Variants in RASAL2 observed in about 807,000 individuals in gnomAD.
The protein encoded by RASAL2 is RAS protein activator like 2.
In RASAL2, 58 loss-of-function variants were observed where a neutral mutation model predicts 128.9. The ratio of observed to expected loss-of-function variants is 0.45; its 90% CI spans 0.36 to 0.56. RASAL2 has a LOEUF of 0.56. Ranked by LOEUF, RASAL2 falls within the 20% of genes least tolerant of loss-of-function variation. The pLI is 0.00. For synonymous variants in RASAL2, 561 were observed against 580.8 expected (o/e 0.97, Z 0.49); for missense variants, 1,360 against 1,601.6 (o/e 0.85, Z 2.57).
At chr1:178,334,159 ATACTAGT>A (rs1446633649) in intron 3 of RASAL2, among the ~76,000 whole-genome samples, 1 of 152,048 alleles carries the variant, frequency 6.6e-6, no homozygotes, top group Non-Finnish European at 1.5e-5. Flanking sequence ...AATTTTTTTA[ATACTAGT>A]AATAATTTTT....
At chr1:178,187,028 G>T (rs1571602769) in intron 1 of RASAL2, among the ~76,000 whole-genome samples, 1 of 151,906 alleles carries the variant, frequency 6.6e-6, no homozygotes, top group African/African-American at 2.4e-5. Context: ...AAGGGTCTCT[G>T]TGTTGCCCAG....
intron 4 of RASAL2, among the ~76,000 whole-genome samples, chr1:178,414,821 G>C (rs192482312): frequency 6.6e-6 from 1 of 152,208 alleles, no homozygotes; most frequent in Admixed American, 6.5e-5. Flanking sequence ...ATTTCTTCCT[G>C]TATAAGTTTG....
chr1:178,184,254 C>T (rs2101934963), intron 1 of RASAL2, among the ~76,000 whole-genome samples: 1 of 152,144 alleles, frequency 6.6e-6, no homozygotes, highest in East Asian at 1.9e-4. Context: ...TATATCTTGT[C>T]TTTTGACTCT....
Position 178,451,567 on chromosome 1 carries a change from A to G in RASAL2, c.1628-4A>G, listed in dbSNP as rs184737622. On this transcript the variant is annotated splice_region_variant and splice_polypyrimidine_tract_variant and intron_variant, in intron 9 of 17. Coordinates refer to ENST00000367649, the MANE Select transcript of RASAL2 (RefSeq NM_170692.4). ...CTATACCGTTATCTTCTCTCTTCAA[A>G]TAGGGGAGTTTATCAAAGCTTTGTA... 6.2e-7 allele frequency: 1 copy of G among 1,612,900 alleles called. No individual in the cohort carries two copies. The highest frequency in any genetic ancestry group is 8.5e-7 in the Non-Finnish European group (1 of 1,179,376).
intron 3 of RASAL2, among the ~76,000 whole-genome samples, chr1:178,370,148 G>T (rs1322331356): frequency 6.6e-6 from 1 of 152,194 alleles, no homozygotes; most frequent in South Asian, 2.1e-4. Flanking sequence ...TTGTCTAGTT[G>T]TTCTATACAA....
intron 1 of RASAL2, among the ~76,000 whole-genome samples, chr1:178,246,603 G>A (rs775116627): frequency 2.7e-4 from 41 of 152,062 alleles, no homozygotes; most frequent in Non-Finnish European, 5.3e-4. Flanking sequence ...CCAACACTAT[G>A]TTGAATCGGC....
At chr1:178,421,885 T>G (rs939972711) in intron 5 of RASAL2, among the ~76,000 whole-genome samples, 1 of 152,044 alleles carries the variant, frequency 6.6e-6, no homozygotes, top group Non-Finnish European at 1.5e-5. Flanking sequence ...ACCTCTTTGT[T>G]TTAAGGTAAT....
chr1:178,131,705 A>G (rs947493797), intron 1 of RASAL2, among the ~76,000 whole-genome samples: 6 of 152,196 alleles, frequency 3.9e-5, no homozygotes, highest in African/African-American at 1.4e-4. Context: ...ACTGAGGAGT[A>G]GGTGAGTTAT....
chr1:178,265,737 A>T (rs575032962), intron 1 of RASAL2, among the ~76,000 whole-genome samples: 1 of 152,214 alleles, frequency 6.6e-6, no homozygotes, highest in Non-Finnish European at 1.5e-5. Flanking sequence ...CAAGAAACAG[A>T]ACATTATTAC....
At chr1:178,133,957 A>G (rs1004916510) in intron 1 of RASAL2, among the ~76,000 whole-genome samples, 14 of 152,220 alleles carry the variant, frequency 9.2e-5, no homozygotes, top group Non-Finnish European at 1.3e-4. Flanking sequence ...TGGGAAAGGA[A>G]AAAAGTTGAG....
Position 178,298,733 on chromosome 1 carries a change from A to G in RASAL2, c.331-1259A>G, listed in dbSNP as rs577420570. Among the ~76,000 whole-genome samples the G allele has an allele frequency of 2.6e-5, 4 of 152,336 alleles. No homozygotes were observed. The South Asian group carries it at 8.3e-4, about 32-fold the overall frequency. ...ACACATATGAACTCATTAGACTTGC[A>G]CATGTAAGAACTCAGTGTTTCATTA... On this transcript the variant is annotated intron_variant, in intron 2 of 17. Transcript: ENST00000367649.
At chr1:178,436,235 A>C (rs923086854) in intron 5 of RASAL2, among the ~76,000 whole-genome samples, 2 of 152,100 alleles carry the variant, frequency 1.3e-5, no homozygotes, top group Admixed American at 1.3e-4. Context: ...TTCCCAATAC[A>C]GGGAGGGCTT....
chr1:178,102,394 C>T (rs930946462), intron 1 of RASAL2, among the ~76,000 whole-genome samples: 3 of 151,698 alleles, frequency 2.0e-5, no homozygotes, highest in African/African-American at 7.3e-5. Context: ...AATCATAGCT[C>T]ATGCCCAGGT....
chr1:178,325,819 A>G (rs1056529413), intron 3 of RASAL2, among the ~76,000 whole-genome samples: 1 of 152,218 alleles, frequency 6.6e-6, no homozygotes, highest in East Asian at 1.9e-4. Flanking sequence ...AGTTAAAATT[A>G]GCTGGGTACC....
intron 3 of RASAL2, among the ~76,000 whole-genome samples, chr1:178,380,978 GA>G (rs930308640): frequency 3.3e-5 from 5 of 152,140 alleles, no homozygotes; most frequent in Non-Finnish European, 7.4e-5. Context: ...TGGTTTTATG[GA>G]AGTAGATGAA....
chr1:178,338,182 TGCAGTG>T (rs1669689964), intron 3 of RASAL2, among the ~76,000 whole-genome samples: 1 of 152,044 alleles, frequency 6.6e-6, no homozygotes, highest in Non-Finnish European at 1.5e-5. Context: ...CAGGCTGGAG[TGCAGTG>T]GCATGATCTC....
At chr1:178,250,148 C>T (rs770560199) in intron 1 of RASAL2, among the ~76,000 whole-genome samples, 3 of 152,248 alleles carry the variant, frequency 2.0e-5, no homozygotes, top group Non-Finnish European at 2.9e-5. Flanking sequence ...TAAGCTGGAA[C>T]GTTTATGTCT....
chr1:178,251,989 C>T (rs961085367), intron 1 of RASAL2, among the ~76,000 whole-genome samples: 7 of 152,026 alleles, frequency 4.6e-5, no homozygotes, highest in Non-Finnish European at 8.8e-5. Context: ...ATAAAGGTTT[C>T]AGATTTGCCA....
Position 178,187,594 on chromosome 1 carries a change from G to T in RASAL2, c.202+92900G>T, listed in dbSNP as rs561652941. ...AGTATCTGAAAAAAAGTTCACAAAA[G>T]GTGAACCACAACCGGAAAAACTGTT... On this transcript the variant is annotated intron_variant, in intron 1 of 17. Transcript: ENST00000367649. 2.6e-5 allele frequency among the ~76,000 whole-genome samples: 4 copies of T among 152,078 alleles called. No individual in the cohort carries two copies. The South Asian group carries it at 8.3e-4, about 32-fold the overall frequency.
Sources: allele counts gnomAD v4.1 joint callset (sites outside exome capture counted in the v4.1 genomes callset), GRCh38; gene constraint gnomAD v4.1.1; transcripts MANE v1.5; gene names NCBI Gene and HGNC (gene_info 2026-07-23, HGNC 2026-07-21).